Variants in TFEC observed in about 807,000 individuals in gnomAD.
TFEC encodes transcription factor EC.
A neutral mutation model predicts 41.6 loss-of-function variants in TFEC; 31 were observed. That is an observed-to-expected ratio of 0.74 (90% CI 0.56 to 1.01). The LOEUF (loss-of-function observed/expected upper bound fraction) is 1.01. Among genes scored for constraint, TFEC ranks in the 50% least tolerant of loss-of-function variants. The pLI, the probability that TFEC is intolerant of heterozygous loss-of-function variation, is 0.00. For synonymous variants in TFEC, 143 were observed against 140.6 expected (o/e 1.02, Z -0.12); for missense variants, 402 against 404.1 (o/e 0.99, Z 0.04).
chr7:116,062,597 A>ATG (rs1469564806), intron 3 of TFEC, among the ~76,000 whole-genome samples: 1 of 119,822 alleles, frequency 8.3e-6, no homozygotes, highest in Non-Finnish European at 1.7e-5. Flanking sequence ...ATATATATAT[A>ATG]TATCACATTT....
intron 3 of TFEC, among the ~76,000 whole-genome samples, chr7:115,970,088 C>G (rs978789186): frequency 1.3e-4 from 19 of 151,782 alleles, no homozygotes; most frequent in Admixed American, 1.3e-4. Flanking sequence ...GTTGATGTTA[C>G]CTATAGGACA....
intron 3 of TFEC, among the ~76,000 whole-genome samples, chr7:116,085,621 A>T (rs1797186591): frequency 6.6e-6 from 1 of 151,932 alleles, no homozygotes; most frequent in Admixed American, 6.6e-5. Flanking sequence ...AAAGTATAAA[A>T]TTATTGAATA....
chr7:115,955,969 A>G (rs1367324373), intron 4 of TFEC, among the ~76,000 whole-genome samples: 1 of 151,936 alleles, frequency 6.6e-6, no homozygotes, highest in African/African-American at 2.4e-5. Context: ...TCTCAAGTGA[A>G]TTTATTTACT....
chr7:116,021,525 G>C (rs1037779015), intron 1 of TFEC, among the ~76,000 whole-genome samples: 10 of 152,300 alleles, frequency 6.6e-5, no homozygotes, highest in African/African-American at 2.2e-4. Flanking sequence ...ACTCCAGAAA[G>C]TCAAAGCTGC....
chr7:115,983,359 T>C (rs1793713340), intron 2 of TFEC, among the ~76,000 whole-genome samples: 1 of 152,106 alleles, frequency 6.6e-6, no homozygotes, highest in Admixed American at 6.5e-5. Flanking sequence ...TCTCTATCAT[T>C]TGGAATTTAA....
At position 115,956,787 on chromosome 7, in the gene TFEC, C is replaced by A; in HGVS notation, c.274G>T (p.Gly92Ter). 6.4e-7 allele frequency: 1 copy of A among 1,566,310 alleles called. No individual in the cohort carries two copies. Among genetic ancestry groups the A allele is most frequent in the East Asian group, 2.3e-5 (1 of 43,246 alleles). The change falls in exon 4 of 8, where the codon GGA becomes TGA. Residue 92 changes from glycine to a stop codon, truncating the protein, a stop_gained. Coordinates refer to ENST00000265440, the MANE Select transcript of TFEC (RefSeq NM_012252.4). LOFTEE classifies it high-confidence loss of function. ...CCGCTATACACATCCAAAATACTTC[C>A]AGATAACTTGAGAGGAAAAAGGAAG... is the stretch of plus-strand genomic sequence containing the variant. ...SPLLMQRTLS[G>*]SILDVYSGEQ...
At chr7:116,118,587 G>A (rs1798042825) in intron 1 of TFEC, among the ~76,000 whole-genome samples, 1 of 151,656 alleles carries the variant, frequency 6.6e-6, no homozygotes, top group Non-Finnish European at 1.5e-5. Context: ...AATTGTTCAG[G>A]ACACTCTCAC....
intron 6 of TFEC, among the ~76,000 whole-genome samples, chr7:115,944,140 A>G (rs1448347622): frequency 1.3e-5 from 2 of 148,774 alleles, no homozygotes; most frequent in African/African-American, 4.9e-5. Context: ...ATTTGGTTGT[A>G]GAGGAGAGTA....
At chr7:115,959,684 A>C (rs576352894) in intron 3 of TFEC, among the ~76,000 whole-genome samples, 1 of 151,872 alleles carries the variant, frequency 6.6e-6, no homozygotes, top group South Asian at 2.1e-4. Context: ...GATATGAGAA[A>C]TAGAATGCTT....
intron 3 of TFEC, among the ~76,000 whole-genome samples, chr7:116,062,024 T>A (rs1021882320): frequency 4.6e-5 from 7 of 151,204 alleles, no homozygotes; most frequent in African/African-American, 1.7e-4. Flanking sequence ...CTCACCTCCT[T>A]CCCATCCCTT....
intron 3 of TFEC, among the ~76,000 whole-genome samples, chr7:115,969,358 TAAATA>T (rs1056842093): frequency 1.3e-5 from 2 of 151,796 alleles, no homozygotes; most frequent in African/African-American, 4.8e-5. Flanking sequence ...AGTCAGAGGG[TAAATA>T]AAATAAGACA....
intron 1 of TFEC, among the ~76,000 whole-genome samples, chr7:116,027,547 T>C (rs1795633499): frequency 6.6e-6 from 1 of 152,100 alleles, no homozygotes; most frequent in Non-Finnish European, 1.5e-5. Context: ...CAGTGGGTCC[T>C]GATCAAGCCA....
At chr7:115,941,839 G>A in intron 7 of TFEC, 54 bp downstream of exon 7, 2 of 1,498,208 alleles carry the variant, frequency 1.3e-6, no homozygotes, top group Non-Finnish European at 1.8e-6. Flanking sequence ...GAAAACTGAT[G>A]ACAGCTGAGT....
chr7:116,059,383 G>A (rs1362909761), intron 3 of TFEC, among the ~76,000 whole-genome samples: 1 of 151,874 alleles, frequency 6.6e-6, no homozygotes, highest in Non-Finnish European at 1.5e-5. Flanking sequence ...AAAACTCTAA[G>A]CTCAGATGAC....
intron 2 of TFEC, among the ~76,000 whole-genome samples, chr7:115,982,589 A>G (rs1183235134): frequency 6.6e-6 from 1 of 152,224 alleles, no homozygotes; most frequent in Admixed American, 6.5e-5. Context: ...CTGTGATTAA[A>G]TGGACATTAA....
At chr7:115,972,475 T>C (rs1793178209) in intron 3 of TFEC, among the ~76,000 whole-genome samples, 1 of 152,120 alleles carries the variant, frequency 6.6e-6, no homozygotes, top group South Asian at 2.1e-4. Context: ...CCGCCCTCTC[T>C]CAGGTACAAC....
chr7:116,129,617 G>C (rs1584551793), intron 1 of TFEC, among the ~76,000 whole-genome samples: 2 of 102,078 alleles, frequency 2.0e-5, no homozygotes, highest in Non-Finnish European at 3.6e-5. Flanking sequence ...TTTTGACACT[G>C]AGTCTCACTC....
chr7:115,970,814 C>T (rs1793099472), intron 3 of TFEC, among the ~76,000 whole-genome samples: 1 of 151,874 alleles, frequency 6.6e-6, no homozygotes, highest in African/African-American at 2.4e-5. Context: ...TCCTTTCTGC[C>T]ATGACTAAAA....
At chr7:116,142,046 G>A (rs1029445919) in intron 1 of TFEC, among the ~76,000 whole-genome samples, 3 of 152,162 alleles carry the variant, frequency 2.0e-5, no homozygotes, top group South Asian at 2.1e-4. Context: ...TGCCATTTAG[G>A]TTAAGCAAGA....
Sources: allele counts gnomAD v4.1 joint callset (sites outside exome capture counted in the v4.1 genomes callset), GRCh38; gene constraint gnomAD v4.1.1; transcripts MANE v1.5; gene names NCBI Gene and HGNC (gene_info 2026-07-23, HGNC 2026-07-21).